Variants in PPP2R3B observed in about 807,000 individuals in gnomAD.
The protein encoded by PPP2R3B is serine/threonine-protein phosphatase 2A regulatory subunit B'' subunit beta.
PPP2R3B carries 68 observed loss-of-function variants against 72.9 expected under a neutral mutation model. The ratio of observed to expected loss-of-function variants is 0.93; its 90% CI spans 0.77 to 1.14. The LOEUF is 1.14. Among genes scored for constraint, PPP2R3B ranks in the 50% most tolerant of loss-of-function variants. The probability of loss-of-function intolerance (pLI) is 0.00; values close to 1 mark genes in which losing one functional copy is unlikely to be tolerated. For missense variants in PPP2R3B, 1,018 were observed against 842.0 expected (o/e 1.21, Z -2.59); for synonymous variants, 466 against 375.8 (o/e 1.24, Z -2.78).
intron 1 of PPP2R3B, among the ~76,000 whole-genome samples, chrX:371,879 T>TTC (rs1257807511): frequency 1.4e-5 from 2 of 145,566 alleles, no homozygotes; most frequent in African/African-American, 5.1e-5. Context: ...CAACATGCAT[T>TTC]TCACACGTCT....
rs750252517 is a variant in PPP2R3B at position 386,333 on chromosome X, C to T, written c.324+35G>A. 2.3e-5 allele frequency: 30 copies of T among 1,301,388 alleles called. No individual in the cohort carries two copies. In the African/African-American group the frequency reaches 4.5e-4, roughly 20 times the overall value. 80.6% of individuals were successfully genotyped at this position (1,301,388 alleles called of 1,614,324 possible). A position where few individuals can be genotyped will look rare whatever the true frequency, so the allele number is the denominator to read the frequency against. On this transcript the variant is annotated intron_variant, in intron 1 of 12. Transcript: ENST00000390665. ...ACGCCCACTATGCGACCAGAGCCAC[C>T]TGCGCAGTTGTTAGCAGAAGGAAGA...
At chrX:354,030 G>C (rs867156508) in intron 2 of PPP2R3B, among the ~76,000 whole-genome samples, 1 of 91,752 alleles carries the variant, frequency 1.1e-5, no homozygotes, top group Non-Finnish European at 2.1e-5. Context: ...GCAGGGGCTC[G>C]CCCAGGGACC....
chrX:370,933 G>A (rs2124339343), intron 1 of PPP2R3B, among the ~76,000 whole-genome samples: 1 of 152,256 alleles, frequency 6.6e-6, no homozygotes, highest in African/African-American at 2.4e-5. Flanking sequence ...TCCACCCGAA[G>A]GACCCCGTGG....
intron 2 of PPP2R3B, among the ~76,000 whole-genome samples, chrX:355,920 G>T (rs2071425537): frequency 6.6e-6 from 1 of 152,218 alleles, no homozygotes; most frequent in Admixed American, 6.5e-5. Context: ...ATAGTTTCAT[G>T]GGTGGGTACA....
At chrX:373,519 G>A (rs2071914651) in intron 1 of PPP2R3B, 1 of 172,106 alleles carries the variant, frequency 5.8e-6, no homozygotes. Flanking sequence ...GCCGCGGGGC[G>A]CGCGGGGCTG....
At chrX:335,675 G>A (rs2070869930) in intron 12 of PPP2R3B, 1 of 152,218 alleles carries the variant, frequency 6.6e-6, no homozygotes, top group South Asian at 2.1e-4. Context: ...GCAGAACAAA[G>A]GGGAGAAACA....
intron 2 of PPP2R3B, among the ~76,000 whole-genome samples, chrX:354,966 G>C (rs960733882): frequency 3.7e-4 from 56 of 152,240 alleles, no homozygotes; most frequent in Non-Finnish European, 7.1e-4. Flanking sequence ...GCCCGAGGCG[G>C]GAAGGGGCGT....
chrX:379,479 CACCTGTGTGTGT>C (rs913123821), intron 1 of PPP2R3B, among the ~76,000 whole-genome samples: 83 of 152,314 alleles, frequency 5.4e-4, no homozygotes, highest in South Asian at 2.9e-3. Flanking sequence ...TGTGTGTATG[CACCTGTGTGTGT>C]GATGCACACG....
chrX:344,896 C>T (rs759473392), intron 7 of PPP2R3B: 33 of 337,338 alleles, frequency 9.8e-5, no homozygotes, highest in Non-Finnish European at 7.0e-5. Context: ...CACCGTAATT[C>T]GGAAACAGTC....
intron 1 of PPP2R3B, among the ~76,000 whole-genome samples, chrX:378,338 C>T (rs1321808284): frequency 6.6e-6 from 1 of 152,226 alleles, no homozygotes; most frequent in Non-Finnish European, 1.5e-5. Flanking sequence ...TTTTCATTCT[C>T]ACTAAACATA....
intron 6 of PPP2R3B, among the ~76,000 whole-genome samples, chrX:345,926 T>A (rs1223807463): frequency 6.9e-6 from 1 of 145,776 alleles, no homozygotes; most frequent in Non-Finnish European, 1.5e-5. Context: ...CGGCTCCCCC[T>A]CAGGGTGGTG....
chrX:341,575 G>A lies in PPP2R3B; in HGVS notation c.1086-179C>T, dbSNP rs1603041762. The A allele has an allele frequency of 1.9e-4, 136 of 700,590 alleles. 2 individuals carry two copies. The South Asian group carries it at 2.3e-3, about 12-fold the overall frequency. The allele number at this position is 700,590 out of a possible 1,614,324, so 43.4% of individuals were successfully genotyped here. On this transcript the variant is annotated intron_variant, in intron 8 of 12. Transcript: ENST00000390665. ...GGAGGTGGAGGCCCCGTGGCCAGAGGGTTTTCCCCAGATCCAGGCAGGGTC... is the reference window on the plus strand; with the variant it reads ...GGAGGTGGAGGCCCCGTGGCCAGAGAGTTTTCCCCAGATCCAGGCAGGGTC...
chrX:379,069 CTGTG>C (rs572904464), intron 1 of PPP2R3B, among the ~76,000 whole-genome samples: 21 of 148,644 alleles, frequency 1.4e-4, no homozygotes, highest in African/African-American at 3.6e-4. Context: ...GTGTATGCAC[CTGTG>C]TGTGTGTATG....
chrX:340,338 C>T (rs184598900), intron 10 of PPP2R3B, among the ~76,000 whole-genome samples: 7,132 of 147,210 alleles, frequency 0.048, 644 homozygotes, highest in East Asian at 0.15. Context: ...GGGGTGTCGA[C>T]GCCCCGAATA....
intron 3 of PPP2R3B, 121 bp from the exon 4 acceptor site, chrX:347,457 G>T: frequency 1.5e-6 from 2 of 1,339,056 alleles, no homozygotes; most frequent in Non-Finnish European, 2.1e-6. Flanking sequence ...CACACACGAC[G>T]GCCAGGCCTG....
At chrX:344,479 C>T (rs2071153139) in intron 7 of PPP2R3B, among the ~76,000 whole-genome samples, 1 of 152,248 alleles carries the variant, frequency 6.6e-6, no homozygotes. Context: ...GGCCGCAGTG[C>T]GTGAGAAACA....
chrX:361,359 C>A (rs749860032), intron 2 of PPP2R3B, 46 bp downstream of exon 2: 1 of 1,605,624 alleles, frequency 6.2e-7, no homozygotes, highest in South Asian at 1.1e-5. Context: ...CCTCACATGC[C>A]CGCAGTACCA....
At chrX:386,277 G>T (rs1305529421) in intron 1 of PPP2R3B, 91 bp downstream of exon 1, 2 of 1,105,708 alleles carry the variant, frequency 1.8e-6, no homozygotes, top group Non-Finnish European at 2.3e-6. Flanking sequence ...GGGGTCTGAC[G>T]CTCGCCCACC....
At chrX:345,482 C>T (rs765021503) in intron 7 of PPP2R3B, 34 bp downstream of exon 7, 12 of 1,611,132 alleles carry the variant, frequency 7.4e-6, no homozygotes, top group Non-Finnish European at 1.0e-5. Flanking sequence ...GCTCGGTGTC[C>T]GCGCGGCCCG....
Sources: allele counts gnomAD v4.1 joint callset (sites outside exome capture counted in the v4.1 genomes callset), GRCh38; gene constraint gnomAD v4.1.1; transcripts MANE v1.5; gene names NCBI Gene and HGNC (gene_info 2026-07-23, HGNC 2026-07-21).